The following RALA variants were observed in gnomAD, a reference collection of about 807,000 sequenced individuals.
RALA encodes ras-related protein Ral-A.
A neutral mutation model predicts 24.0 loss-of-function variants in RALA; 5 were observed. The ratio of observed to expected loss-of-function variants is 0.21; its 90% CI spans 0.11 to 0.44. RALA has a LOEUF of 0.44. Ranked by LOEUF, RALA falls within the 20% of genes least tolerant of loss-of-function variation. RALA has a pLI of 0.99. For synonymous variants in RALA, 77 were observed against 83.8 expected, an observed-to-expected ratio of 0.92 and a Z score of 0.44; for missense variants, 95 against 241.2, an observed-to-expected ratio of 0.39 and a Z score of 4.01.
At chr7:39,680,051 A>G (rs1792562057) in intron 1 of RALA, among the ~76,000 whole-genome samples, 1 of 151,948 alleles carries the variant, frequency 6.6e-6, no homozygotes, top group South Asian at 2.1e-4. Flanking sequence ...GTTTTATGTA[A>G]TACTTTAGAC....
chr7:39,624,313 T>G (rs1791439351), intron 1 of RALA: 2 of 150,560 alleles, frequency 1.3e-5, no homozygotes, highest in Non-Finnish European at 1.5e-5. Context: ...TGTTTGTGTT[T>G]TTTTTTTTTT....
intron 1 of RALA, among the ~76,000 whole-genome samples, chr7:39,652,047 G>T (rs1283975660): frequency 6.6e-6 from 1 of 152,152 alleles, no homozygotes; most frequent in Admixed American, 6.5e-5. Flanking sequence ...CTGGAGGCTG[G>T]GAGGTTTAAG....
chr7:39,695,446 C>G (rs1365803567), intron 3 of RALA, among the ~76,000 whole-genome samples: 1 of 151,036 alleles, frequency 6.6e-6, no homozygotes, highest in Non-Finnish European at 1.5e-5. Context: ...GGATCTTACT[C>G]TGTCATCCAG....
At chr7:39,636,376 GTCTTA>G (rs1291025909) in intron 1 of RALA, among the ~76,000 whole-genome samples, 1 of 152,126 alleles carries the variant, frequency 6.6e-6, no homozygotes, top group African/African-American at 2.4e-5. Flanking sequence ...AGTTGTTATT[GTCTTA>G]TCTTTTTTAT....
At chr7:39,643,942 A>G in intron 1 of RALA, among the ~76,000 whole-genome samples, 1 of 152,198 alleles carries the variant, frequency 6.6e-6, no homozygotes, top group East Asian at 1.9e-4. Context: ...TTACAGGGCT[A>G]TTGAATTCAA....
At chr7:39,643,355 A>G (rs563391218) in intron 1 of RALA, among the ~76,000 whole-genome samples, 2 of 152,352 alleles carry the variant, frequency 1.3e-5, no homozygotes, top group South Asian at 2.1e-4. Context: ...TTTTAGGGGT[A>G]AAAGGATGCT....
intron 3 of RALA, among the ~76,000 whole-genome samples, chr7:39,696,234 T>C (rs1046596532): frequency 2.6e-5 from 4 of 152,202 alleles, no homozygotes; most frequent in East Asian, 1.9e-4. Context: ...CTTGATATGA[T>C]GCAATAAGAA....
intron 1 of RALA, among the ~76,000 whole-genome samples, chr7:39,628,798 A>G (rs959494260): frequency 2.0e-5 from 3 of 151,970 alleles, no homozygotes; most frequent in Admixed American, 6.6e-5. Flanking sequence ...CTCGTGAGCC[A>G]TGTGCCTCAG....
At chr7:39,682,355 A>G (rs896995256) in intron 1 of RALA, among the ~76,000 whole-genome samples, 1 of 152,176 alleles carries the variant, frequency 6.6e-6, no homozygotes, top group Admixed American at 6.5e-5. Context: ...CCTCTCTTGC[A>G]TGGATTACTG....
intron 1 of RALA, among the ~76,000 whole-genome samples, chr7:39,680,468 C>T (rs1485533162): frequency 4.6e-5 from 7 of 151,066 alleles, no homozygotes; most frequent in South Asian, 2.1e-4. Flanking sequence ...CCCAGCTGCT[C>T]GGAAGGCTGA....
intron 4 of RALA, among the ~76,000 whole-genome samples, chr7:39,704,947 A>T (rs1055863699): frequency 3.9e-5 from 6 of 152,186 alleles, no homozygotes; most frequent in Admixed American, 2.6e-4. Flanking sequence ...GAGTGCTGAG[A>T]TTACAGGTGT....
chr7:39,649,464 A>G (rs1338596005), intron 1 of RALA, among the ~76,000 whole-genome samples: 1 of 152,188 alleles, frequency 6.6e-6, no homozygotes, highest in Admixed American at 6.5e-5. Context: ...GTCCTCATGA[A>G]TGAGATCAGC....
chr7:39,661,334 A>T (rs1022831673), intron 1 of RALA, among the ~76,000 whole-genome samples: 6 of 152,136 alleles, frequency 3.9e-5, no homozygotes, highest in Admixed American at 3.3e-4. Flanking sequence ...CAGTCCCTCA[A>T]AGTCTTAACT....
rs1298011594 is a variant in RALA at position 39,623,700 on chromosome 7, A to C, written c.-163A>C. ...CGCCCAGGCTCCCCCGCCACCCGTC[A>C]GACTCCTCCTTCGACCGCTCCCGGC... On this transcript the variant is annotated 5_prime_UTR_variant, in exon 1 of 5. Coordinates refer to ENST00000005257, the MANE Select transcript of RALA (RefSeq NM_005402.4). This position sits in a 1 kb window ranked among gnomAD's most constrained non-coding sequence, Gnocchi z 4.9. 6.4e-6 allele frequency: 1 copy of C among 155,754 alleles called. No homozygotes were observed. Among genetic ancestry groups the C allele is most frequent in the Admixed American group, 6.5e-5 (1 of 15,320 alleles). The allele number at this position is 155,754 out of a possible 1,614,324, so 9.6% of individuals were successfully genotyped here.
At chr7:39,704,056 C>T (rs1793073169) in intron 4 of RALA, among the ~76,000 whole-genome samples, 1 of 150,498 alleles carries the variant, frequency 6.6e-6, no homozygotes, top group African/African-American at 2.5e-5. Context: ...ATCCCAGCTA[C>T]TTGGAAGGCT....
Position 39,707,406 on chromosome 7 carries a change from C to G in RALA, c.*1161C>G, listed in dbSNP as rs750369736. On this transcript the variant is annotated 3_prime_UTR_variant, in exon 5 of 5. Coordinates refer to ENST00000005257, the MANE Select transcript of RALA (RefSeq NM_005402.4). Reference sequence around the variant, plus strand: ...TATTAGGAGTAATTCTTTTCTGTTTCTGTTTATAATGAAGAACACTGTAGC... The same window carrying G: ...TATTAGGAGTAATTCTTTTCTGTTTGTGTTTATAATGAAGAACACTGTAGC... The G allele has an allele frequency of 1.3e-5, 2 of 152,164 alleles. No homozygotes were observed. Among genetic ancestry groups the G allele is most frequent in the African/African-American group, 2.4e-5 (1 of 41,430 alleles). 9.4% of individuals were successfully genotyped at this position (152,164 alleles called of 1,614,324 possible).
At chr7:39,703,752 G>T (rs147668660) in intron 4 of RALA, among the ~76,000 whole-genome samples, 205 of 152,228 alleles carry the variant, frequency 1.3e-3, no homozygotes, top group Middle Eastern at 6.8e-3. Context: ...CTTTGATTTT[G>T]TACTTGTATC....
intron 1 of RALA, among the ~76,000 whole-genome samples, chr7:39,635,035 A>G (rs1397562029): frequency 1.3e-5 from 2 of 152,166 alleles, no homozygotes; most frequent in East Asian, 1.9e-4. Flanking sequence ...TAATTCACAT[A>G]CCATAAAATT....
intron 1 of RALA, among the ~76,000 whole-genome samples, chr7:39,656,031 G>A (rs1792090542): frequency 6.6e-6 from 1 of 152,130 alleles, no homozygotes; most frequent in Non-Finnish European, 1.5e-5. Flanking sequence ...AAAAAGGCAG[G>A]CAGTATTTAT....
Sources: allele counts gnomAD v4.1 joint callset (sites outside exome capture counted in the v4.1 genomes callset), GRCh38; gene constraint gnomAD v4.1.1; non-coding constraint Gnocchi (gnomAD v3.1); transcripts MANE v1.5; gene names NCBI Gene and HGNC (gene_info 2026-07-23, HGNC 2026-07-21).